Variants in EXTL3 observed in about 807,000 individuals in gnomAD.
EXTL3 encodes the protein exostosin-like 3.
Under a neutral mutation model 69.3 loss-of-function variants are expected in EXTL3, and 27 were observed. The observed-to-expected ratio is 0.39, with a 90% confidence interval of 0.29 to 0.54. The LOEUF (loss-of-function observed/expected upper bound fraction) is 0.54, where lower values mean the gene tolerates loss of function less well. Ranked by LOEUF, EXTL3 falls within the 20% of genes least tolerant of loss-of-function variation. The pLI, the probability that EXTL3 is intolerant of heterozygous loss-of-function variation, is 0.69. For synonymous variants in EXTL3, 511 were observed against 499.4 expected (o/e 1.02, Z -0.31); for missense variants, 1,003 against 1,231.8 (o/e 0.81, Z 2.78).
In EXTL3 at chr8:28,747,622, T is replaced by C. The variant is rs997853551; in HGVS notation, c.2551-3035T>C. ...TACCAAAACTTTTGGCTTATTTCTTTTGGTTCTCTGGTATCCTGTCTATCG... is the reference window on the plus strand; with the variant it reads ...TACCAAAACTTTTGGCTTATTTCTTCTGGTTCTCTGGTATCCTGTCTATCG... On this transcript the variant is annotated intron_variant, in intron 6 of 6. Coordinates refer to ENST00000220562, the MANE Select transcript of EXTL3 (RefSeq NM_001440.4). Among the ~76,000 whole-genome samples the C allele has an allele frequency of 1.6e-4, 25 of 152,322 alleles. No homozygotes were observed. In the East Asian group the frequency reaches 3.7e-3, roughly 22 times the overall value.
chr8:28,740,811 A>G (rs2130788990), intron 5 of EXTL3: 1 of 152,240 alleles, frequency 6.6e-6, no homozygotes, highest in African/African-American at 2.4e-5. Flanking sequence ...AATAACGATG[A>G]AACAAAACTT....
intron 1 of EXTL3, among the ~76,000 whole-genome samples, chr8:28,648,121 T>G (rs1806864153): frequency 6.6e-6 from 1 of 152,184 alleles, no homozygotes; most frequent in South Asian, 2.1e-4. Context: ...TATTTATTCT[T>G]TACTGATTAT....
In EXTL3 at chr8:28,708,508, CCT is replaced by C. The variant is rs1217217763; in HGVS notation, c.-569-4948_-569-4947del. Among the ~76,000 whole-genome samples the C allele has an allele frequency of 2.7e-5, 4 of 149,446 alleles. No individual in the cohort carries two copies. In the East Asian group the frequency reaches 8.1e-4, roughly 30 times the overall value. On this transcript the variant is annotated intron_variant, in intron 1 of 6. Coordinates refer to ENST00000220562, the MANE Select transcript of EXTL3 (RefSeq NM_001440.4). ...TGTTTTAGTGCTTATTAACATACTT[CCT>C]GACTTCACGAACTAGGTACTGTCTT...
intron 3 of EXTL3, among the ~76,000 whole-genome samples, chr8:28,722,428 C>T (rs557218387): frequency 3.4e-4 from 52 of 152,296 alleles, no homozygotes; most frequent in Non-Finnish European, 5.9e-4. Context: ...TCCTTGCAGA[C>T]TGCAAGGTCT....
At chr8:28,639,666 C>T (rs1806712991) in intron 1 of EXTL3, among the ~76,000 whole-genome samples, 1 of 152,208 alleles carries the variant, frequency 6.6e-6, no homozygotes, top group East Asian at 1.9e-4. Context: ...CTCCTGAGTC[C>T]CTCCTGACAG....
intron 1 of EXTL3, among the ~76,000 whole-genome samples, 160 bp from the exon 2 acceptor site, chr8:28,713,297 C>G (rs1414657400): frequency 6.6e-6 from 1 of 152,140 alleles, no homozygotes; most frequent in South Asian, 2.1e-4. Flanking sequence ...CAAAGAGTCT[C>G]TGTTTGGACA....
chr8:28,659,590 T>C (rs892739753), intron 1 of EXTL3, among the ~76,000 whole-genome samples: 1 of 152,192 alleles, frequency 6.6e-6, no homozygotes, highest in Non-Finnish European at 1.5e-5. Context: ...CTTACTTCTA[T>C]GTCAGCTTCT....
intron 1 of EXTL3, among the ~76,000 whole-genome samples, chr8:28,629,590 C>T (rs1342877304): frequency 1.3e-5 from 2 of 152,014 alleles, no homozygotes; most frequent in African/African-American, 4.8e-5. Flanking sequence ...CTGGATGGGG[C>T]CCCTCGGGAA....
At chr8:28,744,806 AT>A (rs1420787051) in intron 6 of EXTL3, among the ~76,000 whole-genome samples, 9 of 144,720 alleles carry the variant, frequency 6.2e-5, no homozygotes, top group African/African-American at 2.3e-4. Flanking sequence ...AAAAAAAAAA[AT>A]ACACACACAC....
chr8:28,667,898 G>A lies in EXTL3; in HGVS notation c.-53+45088G>A, dbSNP rs548279233. ...GAATATTTTCTTCCCTTGGCTGGGC[G>A]TGGTGGCTCACACCTGTCATCCCAA... On this transcript the variant is annotated intron_variant, in intron 1 of 6. Transcript: ENST00000523149. 2.6e-5 allele frequency among the ~76,000 whole-genome samples: 4 copies of A among 151,902 alleles called. No homozygotes were observed. The South Asian group carries it at 6.2e-4, about 24-fold the overall frequency.
At chr8:28,685,939 A>ACCTACAACCTCCGCCTCC (rs1807570080) in intron 1 of EXTL3, 1 of 151,442 alleles carries the variant, frequency 6.6e-6, no homozygotes, top group African/African-American at 2.4e-5. Context: ...ATCTCGCCTC[A>ACCTACAACCTCCGCCTCC]CCTACAACCT....
rs1205417675 is a variant in EXTL3 at position 28,750,573 on chromosome 8, A to T, written c.2551-84A>T. 8.9e-7 allele frequency: 1 copy of T among 1,119,604 alleles called. No homozygotes were observed. The highest frequency in any genetic ancestry group is 1.5e-5 in the African/African-American group (1 of 65,310). The allele number at this position is 1,119,604 out of a possible 1,614,324, so 69.4% of individuals were successfully genotyped here. A position where few individuals can be genotyped will look rare whatever the true frequency, so the allele number is the denominator to read the frequency against. On this transcript the variant is annotated intron_variant, in intron 6 of 6. Transcript: ENST00000220562. The surrounding 1 kb of genome is among the most constrained non-coding windows in gnomAD (Gnocchi z 5.2). ...GGGGATCAGCGTCTTCACCATGGAC[A>T]TGGGAGTGTGGGATCGGCTCAGCTG...
At chr8:28,719,918 A>G (rs1470690069) in intron 3 of EXTL3, among the ~76,000 whole-genome samples, 1 of 152,250 alleles carries the variant, frequency 6.6e-6, no homozygotes, top group Admixed American at 6.5e-5. Flanking sequence ...TCTGATGGGA[A>G]ATAAGTAGTC....
chr8:28,630,012 G>A (rs960160224), intron 1 of EXTL3, among the ~76,000 whole-genome samples: 1 of 152,186 alleles, frequency 6.6e-6, no homozygotes, highest in Non-Finnish European at 1.5e-5. Flanking sequence ...GACTCATCAC[G>A]ATGATGCATA....
At chr8:28,625,381 A>C (rs1198080841) in intron 1 of EXTL3, among the ~76,000 whole-genome samples, 2 of 152,260 alleles carry the variant, frequency 1.3e-5, no homozygotes, top group Non-Finnish European at 2.9e-5. Context: ...GGGAAAAAGG[A>C]ACGCAGAAAG....
intron 1 of EXTL3, among the ~76,000 whole-genome samples, chr8:28,706,733 C>A (rs749174924): frequency 2.0e-5 from 3 of 152,100 alleles, no homozygotes; most frequent in Non-Finnish European, 2.9e-5. Context: ...TCACTTGAAC[C>A]CTTTTTTTGT....
At chr8:28,627,284 G>A (rs990471817) in intron 1 of EXTL3, among the ~76,000 whole-genome samples, 9 of 152,010 alleles carry the variant, frequency 5.9e-5, no homozygotes, top group African/African-American at 9.7e-5. Flanking sequence ...TGAGGCAGGC[G>A]GATCACTTGA....
At chr8:28,731,109 C>G (rs554475571) in intron 3 of EXTL3, 114 bp from the exon 4 acceptor site, 1 of 1,347,066 alleles carries the variant, frequency 7.4e-7, no homozygotes, top group South Asian at 1.2e-5. Context: ...GCGCGGAGAT[C>G]AGGCAAAATT....
At chr8:28,671,233 T>C (rs1807285273) in intron 1 of EXTL3, among the ~76,000 whole-genome samples, 1 of 151,398 alleles carries the variant, frequency 6.6e-6, no homozygotes, top group Non-Finnish European at 1.5e-5. Context: ...ATGCCCACCT[T>C]GGCCTCCCAA....
Sources: allele counts gnomAD v4.1 joint callset (sites outside exome capture counted in the v4.1 genomes callset), GRCh38; gene constraint gnomAD v4.1.1; non-coding constraint Gnocchi (gnomAD v3.1); transcripts MANE v1.5; gene names NCBI Gene and HGNC (gene_info 2026-07-23, HGNC 2026-07-21).